Variants in TMEM38B observed in about 807,000 individuals in gnomAD.
The protein encoded by TMEM38B is transmembrane protein 38B.
In TMEM38B, 24 loss-of-function variants were observed where a neutral mutation model predicts 28.7. The observed-to-expected ratio is 0.84, with a 90% CI of 0.61 to 1.18. TMEM38B has a LOEUF of 1.18. Ranked by LOEUF, TMEM38B falls within the 50% of genes most tolerant of loss-of-function variation. TMEM38B has a pLI of 0.00. For synonymous variants in TMEM38B, 131 were observed against 127.7 expected (o/e 1.03, Z -0.17); for missense variants, 380 against 350.9 (o/e 1.08, Z -0.66).
At chr9:105,714,579 T>C (rs1175091497) in intron 2 of TMEM38B, among the ~76,000 whole-genome samples, 1 of 152,226 alleles carries the variant, frequency 6.6e-6, no homozygotes, top group Non-Finnish European at 1.5e-5. Flanking sequence ...TGTCTAAAGA[T>C]ACCAGCTTAA....
In TMEM38B at chr9:105,717,984, T is replaced by G. The variant is rs559994582; in HGVS notation, c.270-3553T>G. Among the ~76,000 whole-genome samples the G allele has an allele frequency of 1.1e-3, 172 of 152,298 alleles. 1 individual carries two copies. The highest frequency in any genetic ancestry group is 3.8e-3 in the African/African-American group (158 of 41,558). The stretch of plus-strand genomic sequence containing the variant: ...TGTTAAAAAGCATGTAATTGAGGCA[T>G]GGAGAGGTTAATAACTTGCCTAAGG... On this transcript the variant is annotated intron_variant, in intron 2 of 5. Transcript: ENST00000374692.
intron 5 of TMEM38B, among the ~76,000 whole-genome samples, chr9:105,762,039 T>G (rs1297824270): frequency 1.3e-5 from 2 of 152,088 alleles, no homozygotes; most frequent in African/African-American, 2.4e-5. Flanking sequence ...ACTCCAAGGT[T>G]GTTTAATATC....
At chr9:105,764,665 A>G (rs1227713501) in intron 5 of TMEM38B, among the ~76,000 whole-genome samples, 1 of 151,482 alleles carries the variant, frequency 6.6e-6, no homozygotes, top group Non-Finnish European at 1.5e-5. Context: ...GCCCAAGGTA[A>G]TTTACAGATT....
intron 4 of TMEM38B, 91 bp from the exon 5 acceptor site, chr9:105,747,982 A>AC: frequency 1.2e-6 from 1 of 824,316 alleles, no homozygotes; most frequent in Non-Finnish European, 2.0e-6. Flanking sequence ...TTAATAACCC[A>AC]TTAAGTTAAT....
intron 1 of TMEM38B, among the ~76,000 whole-genome samples, chr9:105,696,949 C>T (rs1044651843): frequency 4.6e-5 from 7 of 152,152 alleles, no homozygotes; most frequent in Non-Finnish European, 8.8e-5. Flanking sequence ...CTTTAGCCGC[C>T]ACAACTATTT....
At chr9:105,773,773 A>T in intron 5 of TMEM38B, 92 bp from the exon 6 acceptor site, 1 of 1,208,944 alleles carries the variant, frequency 8.3e-7, no homozygotes, top group Non-Finnish European at 1.2e-6. Context: ...TTACATTAAT[A>T]ATGCATTTTG....
chr9:105,707,009 G>T (rs533344429), intron 2 of TMEM38B, among the ~76,000 whole-genome samples: 1 of 151,960 alleles, frequency 6.6e-6, no homozygotes, highest in Non-Finnish European at 1.5e-5. Context: ...AACTTCTGAT[G>T]TCAAGTGATC....
chr9:105,776,410 C>G lies in TMEM38B; in HGVS notation c.*2330C>G, dbSNP rs147693901. The stretch of plus-strand genomic sequence containing the variant: ...ATGGTAGCCTCCCTGTGGGTAGAGA[C>G]CAAAAGGTAGAGAGATGACAGAAGG... On this transcript the variant is annotated 3_prime_UTR_variant, in exon 6 of 6. Transcript: ENST00000374692. 6.6e-6 allele frequency: 1 copy of G among 151,772 alleles called. No individual in the cohort carries two copies. The allele number at this position is 151,772 out of a possible 1,614,324, so 9.4% of individuals were successfully genotyped here. A position where few individuals can be genotyped will look rare whatever the true frequency, so the allele number is the denominator to read the frequency against.
At chr9:105,696,857 G>A (rs1435747543) in intron 1 of TMEM38B, among the ~76,000 whole-genome samples, 1 of 152,158 alleles carries the variant, frequency 6.6e-6, no homozygotes, top group Non-Finnish European at 1.5e-5. Context: ...TTTACACAAG[G>A]AACAGTAGAT....
rs753012367 is a variant in TMEM38B, at chr9:105,721,518, G to T, written c.270-19G>T. ...TCTGATTCCATTAATATATTAAAATGTTTACATTTCATTTTCAGGTATATT... is the reference window on the plus strand; with the variant it reads ...TCTGATTCCATTAATATATTAAAATTTTTACATTTCATTTTCAGGTATATT... On this transcript the variant is annotated intron_variant, in intron 2 of 5. Transcript: ENST00000374692. 25 of 1,544,054 alleles carry T rather than the reference G, an allele frequency of 1.6e-5. No individual in the cohort carries two copies. Among genetic ancestry groups the T allele is most frequent in the Non-Finnish European group, 2.0e-5 (23 of 1,141,970 alleles).
At chr9:105,730,726 A>G (rs1588427826) in intron 4 of TMEM38B, among the ~76,000 whole-genome samples, 1 of 152,150 alleles carries the variant, frequency 6.6e-6, no homozygotes, top group Non-Finnish European at 1.5e-5. Context: ...GCTATTAATT[A>G]TTGCCTCAAT....
intron 2 of TMEM38B, among the ~76,000 whole-genome samples, chr9:105,716,122 T>G (rs1836089068): frequency 6.6e-6 from 1 of 152,170 alleles, no homozygotes; most frequent in Non-Finnish European, 1.5e-5. Flanking sequence ...GTGTGGACCT[T>G]TTCTTTCTTC....
chr9:105,721,129 C>T (rs144268326), intron 2 of TMEM38B, among the ~76,000 whole-genome samples: 1 of 152,218 alleles, frequency 6.6e-6, no homozygotes, highest in East Asian at 1.9e-4. Flanking sequence ...TACCAAAGGA[C>T]CCTTTCTCTA....
chr9:105,735,651 T>C (rs1836944856), intron 4 of TMEM38B, among the ~76,000 whole-genome samples: 1 of 152,222 alleles, frequency 6.6e-6, no homozygotes. Flanking sequence ...AGAAGTCAAC[T>C]AATGATATAA....
intron 5 of TMEM38B, among the ~76,000 whole-genome samples, chr9:105,765,077 C>G (rs1309455860): frequency 2.6e-5 from 4 of 152,088 alleles, no homozygotes; most frequent in Admixed American, 1.3e-4. Flanking sequence ...ATACAAAAAT[C>G]AATTCAAGAT....
At chr9:105,772,049 A>G (rs747924603) in intron 5 of TMEM38B, among the ~76,000 whole-genome samples, 4 of 152,230 alleles carry the variant, frequency 2.6e-5, no homozygotes, top group Non-Finnish European at 4.4e-5. Flanking sequence ...GCCCTTCTAC[A>G]GTGTAACCCT....
At chr9:105,752,824 T>C (rs1346260442) in intron 5 of TMEM38B, among the ~76,000 whole-genome samples, 1 of 152,180 alleles carries the variant, frequency 6.6e-6, no homozygotes, top group Non-Finnish European at 1.5e-5. Flanking sequence ...CTGAGATGCC[T>C]GACTTGACAA....
chr9:105,758,656 C>T, intron 5 of TMEM38B: 1 of 787,818 alleles, frequency 1.3e-6, no homozygotes, highest in Non-Finnish European at 2.3e-6. Context: ...GCAACTTAGC[C>T]ATTTAAAACT....
intron 5 of TMEM38B, among the ~76,000 whole-genome samples, chr9:105,750,378 C>G (rs1008999238): frequency 1.3e-5 from 2 of 151,938 alleles, no homozygotes; most frequent in African/African-American, 4.8e-5. Context: ...AATCCCAGCA[C>G]TTTGGGAAGC....
Sources: gnomAD v4.1 joint callset for allele counts (sites outside exome capture counted in the v4.1 genomes callset) on GRCh38, gnomAD v4.1.1 for gene constraint, MANE v1.5 for transcripts, NCBI Gene and HGNC (gene_info 2026-07-23, HGNC 2026-07-21) for gene names.